ALG9: variants seen among roughly 807,000 people sequenced by gnomAD.
The protein encoded by ALG9 is ALG9 alpha-1,2-mannosyltransferase.
ALG9 carries 55 observed loss-of-function variants against 81.8 expected under a neutral mutation model. That is an observed-to-expected ratio of 0.67 (90% CI 0.54 to 0.84). ALG9 has a LOEUF of 0.84. Among genes scored for constraint, ALG9 ranks in the 40% least tolerant of loss-of-function variants. ALG9 has a pLI of 0.00. For synonymous variants in ALG9, 278 were observed against 274.3 expected (o/e 1.01, Z -0.13); for missense variants, 629 against 745.0 (o/e 0.84, Z 1.81).
intron 14 of ALG9, among the ~76,000 whole-genome samples, chr11:111,793,820 C>T (rs1329478312): frequency 1.3e-5 from 2 of 150,666 alleles, no homozygotes; most frequent in Non-Finnish European, 2.9e-5. Flanking sequence ...TGCCTGCACA[C>T]ATTTATACAC....
At chr11:111,869,425 A>G (rs1219672372) in intron 2 of ALG9, among the ~76,000 whole-genome samples, 1 of 152,198 alleles carries the variant, frequency 6.6e-6, no homozygotes, top group Admixed American at 6.5e-5. Flanking sequence ...ATTTAGTAAC[A>G]CTATTTTGGT....
intron 13 of ALG9, among the ~76,000 whole-genome samples, chr11:111,834,475 T>G (rs546685474): frequency 6.6e-6 from 1 of 152,214 alleles, no homozygotes; most frequent in Non-Finnish European, 1.5e-5. Context: ...GAACATTGCA[T>G]TTTTGCTACA....
chr11:111,849,722 T>C (rs1555135375), intron 8 of ALG9: 3 of 152,056 alleles, frequency 2.0e-5, no homozygotes, highest in Non-Finnish European at 4.4e-5. Flanking sequence ...AGTGAGAAGA[T>C]GTGGTGTTTG....
intron 8 of ALG9, among the ~76,000 whole-genome samples, chr11:111,850,174 T>C (rs1555136089): frequency 6.6e-6 from 1 of 152,200 alleles, no homozygotes; most frequent in Non-Finnish European, 1.5e-5. Context: ...GTATTATTAT[T>C]TGGTATCACG....
At chr11:111,816,780 G>T (rs1394282696) in intron 13 of ALG9, among the ~76,000 whole-genome samples, 2 of 152,130 alleles carry the variant, frequency 1.3e-5, no homozygotes, top group East Asian at 3.8e-4. Context: ...GGTCAGTCTT[G>T]AATTCCTGGT....
At chr11:111,844,800 T>C (rs1956724359) in intron 8 of ALG9, 77 bp from the exon 9 acceptor site, 1 of 1,487,990 alleles carries the variant, frequency 6.7e-7, no homozygotes, top group Admixed American at 1.7e-5. Flanking sequence ...TATAATGTTC[T>C]TTGTTGGAAT....
chr11:111,818,436 G>C (rs1420607320), intron 13 of ALG9, among the ~76,000 whole-genome samples: 2 of 152,178 alleles, frequency 1.3e-5, no homozygotes, highest in Admixed American at 6.5e-5. Context: ...GTGTCACTGA[G>C]CAGCACACAA....
chr11:111,839,368 A>G (rs782524894), intron 10 of ALG9, among the ~76,000 whole-genome samples: 1 of 152,012 alleles, frequency 6.6e-6, no homozygotes, highest in Admixed American at 6.6e-5. Flanking sequence ...GGAGGATCAC[A>G]AGGTCATGAG....
chr11:111,825,120 A>C (rs17113275), intron 13 of ALG9, among the ~76,000 whole-genome samples: 1,720 of 152,300 alleles, frequency 0.011, 47 homozygotes, highest in African/African-American at 0.04. Context: ...CTGGACTACA[A>C]ACAACCTTGA....
intron 14 of ALG9, among the ~76,000 whole-genome samples, chr11:111,798,645 T>C (rs994250194): frequency 1.3e-5 from 2 of 152,294 alleles, no homozygotes; most frequent in African/African-American, 2.4e-5. Flanking sequence ...GGCCACAGAG[T>C]AACAAATGTG....
intron 13 of ALG9, among the ~76,000 whole-genome samples, chr11:111,809,977 A>G (rs931928419): frequency 1.3e-5 from 2 of 152,186 alleles, no homozygotes; most frequent in African/African-American, 4.8e-5. Flanking sequence ...AGCCATAGGT[A>G]AGCTTTGGCT....
chr11:111,849,858 C>T (rs1397660887), intron 8 of ALG9: 1 of 152,116 alleles, frequency 6.6e-6, no homozygotes, highest in Non-Finnish European at 1.5e-5. Context: ...CAGCACAATG[C>T]ATTTTTAATT....
At chr11:111,829,907 G>C (rs1356865238) in intron 13 of ALG9, among the ~76,000 whole-genome samples, 1 of 152,140 alleles carries the variant, frequency 6.6e-6, no homozygotes, top group Non-Finnish European at 1.5e-5. Context: ...GGTCATGAGG[G>C]CCCCGGCTCA....
rs1555119738 is a variant in ALG9, at chr11:111,838,301, A to G, written c.1272T>C (p.Thr424=). The G allele has an allele frequency of 3.1e-6, 5 of 1,614,218 alleles. No homozygotes were observed. Among genetic ancestry groups the G allele is most frequent in the Non-Finnish European group, 4.2e-6 (5 of 1,180,016 alleles). Residue 424 remains threonine, a synonymous_variant, in exon 11 of 15, where the codon ACT becomes ACC. Coordinates refer to ENST00000616540, the MANE Select transcript of ALG9 (RefSeq NM_024740.2). ...TVTSNWLALG[T]VFLFGLLSFS... ...ATGACAAGAGCCCAAACAGGAAGAC[A>G]GTTCCTAATGCCAGCCAATTCGATG...
the ALG9 span, among the ~76,000 whole-genome samples, chr11:111,771,797 G>C: frequency 6.6e-6 from 1 of 152,182 alleles, no homozygotes; most frequent in Non-Finnish European, 1.5e-5. Context: ...TTTTAAATTT[G>C]TATTTATGCA....
intron 9 of ALG9, among the ~76,000 whole-genome samples, chr11:111,841,747 C>T (rs577980470): frequency 5.9e-5 from 9 of 152,280 alleles, no homozygotes; most frequent in Admixed American, 5.9e-4. Flanking sequence ...CCTAGGCTAT[C>T]ACTTTCACTG....
At chr11:111,813,511 A>C (rs1555093728) in intron 13 of ALG9, among the ~76,000 whole-genome samples, 2 of 152,214 alleles carry the variant, frequency 1.3e-5, no homozygotes, top group African/African-American at 2.4e-5. Context: ...CTGGGGCAGG[A>C]AGACTGCTTG....
chr11:111,843,034 C>G (rs1462432235), intron 9 of ALG9, among the ~76,000 whole-genome samples: 1 of 152,166 alleles, frequency 6.6e-6, no homozygotes, highest in African/African-American at 2.4e-5. Context: ...ATCCTCCCAC[C>G]GTAGCCTCCC....
In ALG9 at chr11:111,809,663, T is replaced by G; in HGVS notation, c.1713A>C (p.Arg571Ser). ...CATACCTAGAAGCATCAAGGAATGGTCTATAGGCCAAGCTGATCCATTCTT... is the reference window on the plus strand; with the variant it reads ...CATACCTAGAAGCATCAAGGAATGGGCTATAGGCCAAGCTGATCCATTCTT... ...NKEEWISLAY[R>S]PFLDASRSSK... The change falls in exon 14 of 15, where the codon AGA becomes AGC. Residue 571 changes from arginine (R) to serine (S), a missense_variant. By Grantham distance (110) the Arg-to-Ser change is moderately radical. Transcript: ENST00000616540. 6.2e-7 allele frequency: 1 copy of G among 1,614,078 alleles called. No homozygotes were observed. Among genetic ancestry groups the G allele is most frequent in the Non-Finnish European group, 8.5e-7 (1 of 1,179,970 alleles).
Sources: allele counts gnomAD v4.1 joint callset (sites outside exome capture counted in the v4.1 genomes callset), GRCh38; gene constraint gnomAD v4.1.1; transcripts MANE v1.5; gene names NCBI Gene and HGNC (gene_info 2026-07-23, HGNC 2026-07-21).